The following C10orf90 variants were observed in gnomAD, a reference collection of about 807,000 sequenced individuals.
C10orf90 encodes chromosome 10 open reading frame 90, also known as (E2-independent) E3 ubiquitin-conjugating enzyme FATS.
A neutral mutation model predicts 62.5 loss-of-function variants in C10orf90; 56 were observed. The observed-to-expected ratio is 0.90, with a 90% CI of 0.72 to 1.12. The LOEUF is 1.12. Among genes scored for constraint, C10orf90 ranks in the 50% most tolerant of loss-of-function variants. The probability of loss-of-function intolerance (pLI) is 0.00; values close to 1 mark genes in which losing one functional copy is unlikely to be tolerated. For synonymous variants in C10orf90, 386 were observed against 340.4 expected, an observed-to-expected ratio of 1.13 and a Z score of -1.47; for missense variants, 970 against 880.4, an observed-to-expected ratio of 1.10 and a Z score of -1.29.
intron 1 of C10orf90, among the ~76,000 whole-genome samples, chr10:126,663,575 C>G (rs1357231670): frequency 6.6e-6 from 1 of 152,164 alleles, no homozygotes; most frequent in Non-Finnish European, 1.5e-5. Context: ...ATCTCCGTCT[C>G]TCAGCTCTCC....
intron 7 of C10orf90, among the ~76,000 whole-genome samples, chr10:126,452,947 G>A (rs1859300709): frequency 6.6e-6 from 1 of 152,182 alleles, no homozygotes; most frequent in Non-Finnish European, 1.5e-5. Context: ...GATCAGACCG[G>A]TCAACAGGAA....
intron 2 of C10orf90, among the ~76,000 whole-genome samples, chr10:126,605,720 T>C (rs1461204116): frequency 2.0e-5 from 3 of 152,162 alleles, no homozygotes; most frequent in Admixed American, 6.5e-5. Flanking sequence ...GGTGTGGCAT[T>C]GCTGCCTCCA....
chr10:126,541,707 G>A (rs1246332918), intron 2 of C10orf90, among the ~76,000 whole-genome samples: 1 of 152,196 alleles, frequency 6.6e-6, no homozygotes. Flanking sequence ...AACAAGTGTT[G>A]GTGAGGATGT....
chr10:126,579,684 T>C (rs1341459878), intron 2 of C10orf90, among the ~76,000 whole-genome samples: 1 of 152,134 alleles, frequency 6.6e-6, no homozygotes, highest in Non-Finnish European at 1.5e-5. Context: ...TTTTCAGGGG[T>C]GATCTCTTAC....
At position 126,613,025 on chromosome 10, in the gene C10orf90, C is replaced by T. The variant is rs561208518; in HGVS notation, c.313+33540G>A. 5.9e-5 allele frequency among the ~76,000 whole-genome samples: 9 copies of T among 152,158 alleles called. No individual in the cohort carries two copies. The South Asian group carries it at 1.5e-3, about 25-fold the overall frequency. ...TGAGGCATTCAAATGTTGGATTTTACGCACCTTTGAATATAATTATTATTA... is the reference window on the plus strand; with the variant it reads ...TGAGGCATTCAAATGTTGGATTTTATGCACCTTTGAATATAATTATTATTA... On this transcript the variant is annotated intron_variant, in intron 2 of 9. Coordinates refer to ENST00000488181, the MANE Select transcript of C10orf90 (RefSeq NM_001350921.2).
chr10:126,533,026 G>A (rs1201137306), intron 2 of C10orf90, among the ~76,000 whole-genome samples: 16 of 150,538 alleles, frequency 1.1e-4, no homozygotes, highest in African/African-American at 2.9e-4. Flanking sequence ...TCCACCTCCC[G>A]GGTTCACGTC....
chr10:126,443,489 A>T (rs902123865), intron 7 of C10orf90, among the ~76,000 whole-genome samples: 2 of 152,160 alleles, frequency 1.3e-5, no homozygotes, highest in African/African-American at 2.4e-5. Flanking sequence ...CCCTGAACAG[A>T]CCAATAACAA....
intron 4 of C10orf90, among the ~76,000 whole-genome samples, chr10:126,477,345 T>C (rs545634979): frequency 7.3e-4 from 111 of 152,012 alleles, no homozygotes; most frequent in African/African-American, 2.4e-3. Flanking sequence ...TTTCTTTTCA[T>C]TGGGCTTTTA....
chr10:126,549,066 A>G (rs1445711443), intron 2 of C10orf90, among the ~76,000 whole-genome samples: 2 of 152,246 alleles, frequency 1.3e-5, no homozygotes, highest in South Asian at 2.1e-4. Context: ...TTATAGAAGA[A>G]CGATTAAAGG....
chr10:126,466,735 A>G (rs1243466752), intron 4 of C10orf90, among the ~76,000 whole-genome samples: 2 of 152,228 alleles, frequency 1.3e-5, no homozygotes, highest in Admixed American at 1.3e-4. Context: ...ACAAATAAAC[A>G]AAATGTAGGT....
At chr10:126,599,182 CTTTTTTTTTTT>C (rs755259124) in intron 2 of C10orf90, among the ~76,000 whole-genome samples, 4 of 128,268 alleles carry the variant, frequency 3.1e-5, no homozygotes, top group Middle Eastern at 4.2e-3. Context: ...GGTTCCACTC[CTTTTTTTTTTT>C]TTTTTTTTTG....
At chr10:126,451,447 GAATA>G (rs899433809) in intron 7 of C10orf90, among the ~76,000 whole-genome samples, 39 of 152,044 alleles carry the variant, frequency 2.6e-4, no homozygotes, top group African/African-American at 7.5e-4. Flanking sequence ...ACAGATTAAT[GAATA>G]GAGAAAATGT....
intron 2 of C10orf90, among the ~76,000 whole-genome samples, chr10:126,599,886 CTG>C (rs374192023): frequency 2.0e-5 from 3 of 152,184 alleles, no homozygotes; most frequent in African/African-American, 4.8e-5. Context: ...AGAGCATAAA[CTG>C]TAATAAATGT....
intron 2 of C10orf90, among the ~76,000 whole-genome samples, chr10:126,609,954 A>C (rs1462671179): frequency 6.6e-6 from 1 of 152,214 alleles, no homozygotes; most frequent in Non-Finnish European, 1.5e-5. Context: ...AAGGCCGCTC[A>C]CATTGGACCT....
intron 2 of C10orf90, among the ~76,000 whole-genome samples, chr10:126,525,935 T>C (rs1453147366): frequency 6.6e-6 from 1 of 151,834 alleles, no homozygotes; most frequent in Non-Finnish European, 1.5e-5. Flanking sequence ...AGACCTTCAA[T>C]TTAGGCAAGA....
intron 7 of C10orf90, among the ~76,000 whole-genome samples, chr10:126,451,242 T>A (rs1021904494): frequency 6.6e-6 from 1 of 152,186 alleles, no homozygotes; most frequent in Non-Finnish European, 1.5e-5. Flanking sequence ...GCTGTGGGGA[T>A]GTAAATTAGT....
At chr10:126,576,476 T>A (rs1222138497) in intron 2 of C10orf90, among the ~76,000 whole-genome samples, 3 of 151,788 alleles carry the variant, frequency 2.0e-5, no homozygotes. Context: ...GGTGGGAATG[T>A]AAACAAATAC....
chr10:126,586,111 A>G (rs1161162145), intron 2 of C10orf90, among the ~76,000 whole-genome samples: 1 of 152,218 alleles, frequency 6.6e-6, no homozygotes, highest in Non-Finnish European at 1.5e-5. Context: ...TCCTAATTCC[A>G]TGCTTTTGGC....
rs540619718 is a variant in C10orf90, at chr10:126,453,162, C to G, written c.2188+5878G>C. Among the ~76,000 whole-genome samples the G allele has an allele frequency of 2.0e-5, 3 of 152,328 alleles. No homozygotes were observed. In the South Asian group the frequency reaches 6.2e-4, roughly 32 times the overall value. ...GTGCCTTCCAGAGAATTCCATTCCT[C>G]TACTCGTGCATGATTTGAATGGCTC... is the stretch of plus-strand genomic sequence containing the variant. On this transcript the variant is annotated intron_variant, in intron 7 of 9. Coordinates refer to ENST00000488181, the MANE Select transcript of C10orf90 (RefSeq NM_001350921.2). This position sits in a 1 kb window ranked among gnomAD's most constrained non-coding sequence, Gnocchi z 4.9.
Sources: allele counts gnomAD v4.1 joint callset (sites outside exome capture counted in the v4.1 genomes callset), GRCh38; gene constraint gnomAD v4.1.1; non-coding constraint Gnocchi (gnomAD v3.1); transcripts MANE v1.5; gene names NCBI Gene and HGNC (gene_info 2026-07-23, HGNC 2026-07-21).